RNASET2: variants seen among roughly 807,000 people sequenced by gnomAD.
The protein encoded by RNASET2 is ribonuclease 6.
A neutral mutation model predicts 33.9 loss-of-function variants in RNASET2; 28 were observed. The observed-to-expected ratio is 0.83, with a 90% CI of 0.61 to 1.13. The LOEUF (loss-of-function observed/expected upper bound fraction) is 1.13. Among genes scored for constraint, RNASET2 ranks in the 50% most tolerant of loss-of-function variants. The probability of loss-of-function intolerance (pLI) is 0.00; values close to 1 mark genes in which losing one functional copy is unlikely to be tolerated. For synonymous variants in RNASET2, 123 were observed against 121.0 expected (o/e 1.02, Z -0.11); for missense variants, 330 against 319.9 (o/e 1.03, Z -0.24).
In RNASET2 at chr6:166,929,446, A is replaced by G; in HGVS notation, c.*142T>C. ...CGTGTACGCCACATGCACTCACTCT[A>G]CAGGGACCACAACATCCAATTCACA... On this transcript the variant is annotated 3_prime_UTR_variant, in exon 9 of 9. Transcript: ENST00000508775. 2.3e-6 allele frequency: 2 copies of G among 888,366 alleles called. No homozygotes were observed. The highest frequency in any genetic ancestry group is 3.7e-6 in the Non-Finnish European group (2 of 541,052). The allele number at this position is 888,366 out of a possible 1,614,324, so 55.0% of individuals were successfully genotyped here.
chr6:166,943,468 T>C, intron 4 of RNASET2: 1 of 331,928 alleles, frequency 3.0e-6, no homozygotes, highest in South Asian at 2.4e-5. Flanking sequence ...TACTGTATGA[T>C]TCCAACGACG....
At position 166,952,560 on chromosome 6, in the gene RNASET2, T is replaced by G. The variant is rs367610932; in HGVS notation, c.87-12A>C. The G allele has an allele frequency of 1.3e-4, 205 of 1,605,738 alleles. No homozygotes were observed. The highest frequency in any genetic ancestry group is 1.6e-4 in the Non-Finnish European group (190 of 1,172,412). On this transcript the variant is annotated splice_polypyrimidine_tract_variant and intron_variant, in intron 1 of 8. Coordinates refer to ENST00000508775, the MANE Select transcript of RNASET2 (RefSeq NM_003730.6). ...ACTCATGGTTGTCACTGTTAAAACA[T>G]AAGAAACTTATTTTTCAAGAACTTT...
chr6:166,943,025 C>T lies in RNASET2; in HGVS notation c.326G>A (p.Arg109His), dbSNP rs374162593. 3.8e-5 allele frequency: 61 copies of T among 1,613,264 alleles called. No homozygotes were observed. The highest frequency in any genetic ancestry group is 2.4e-4 in the African/African-American group (18 of 75,012). The stretch of plus-strand genomic sequence containing the variant: ...ATCAGAGGCTGGGACTTACCAGAAG[C>T]GGCTGCGATTGGGAAACGAGTGAAT... ...DVIHSFPNRS[R>H]FWKHEWEKHG... The change falls in exon 5 of 9, where the codon CGC (arginine) becomes CAC (histidine). Residue 109 changes from arginine (R) to histidine (H), a missense_variant. Arg to His is a conservative substitution (Grantham distance 29). Coordinates refer to ENST00000508775, the MANE Select transcript of RNASET2 (RefSeq NM_003730.6).
Position 166,956,115 on chromosome 6 carries a change from C to T in RNASET2, c.68G>A (p.Gly23Asp), listed in dbSNP as rs767378195. ...AACTCACCGCAGGCGCTTGTCCGCA[C>T]CGCCCAGGCAAAGCAACGCCAGGCA... ...CLCLALLCLG[G>D]ADKRLRDNHE... The change falls in exon 1 of 9, where the codon GGT (glycine) becomes GAT (aspartate). Residue 23 changes from glycine (G) to aspartate (D), a missense_variant. Transcript: ENST00000508775. 1.9e-6 allele frequency: 3 copies of T among 1,552,284 alleles called. No individual in the cohort carries two copies. Among genetic ancestry groups the T allele is most frequent in the East Asian group, 2.4e-5 (1 of 41,012 alleles).
intron 7 of RNASET2, 74 bp downstream of exon 7, chr6:166,934,017 C>A: frequency 1.9e-6 from 2 of 1,070,040 alleles, no homozygotes; most frequent in Non-Finnish European, 2.9e-6. Flanking sequence ...AGCCCATTGA[C>A]TCAGAGGCTG....
intron 3 of RNASET2, among the ~76,000 whole-genome samples, chr6:166,947,196 T>C (rs1035900655): frequency 3.3e-5 from 5 of 152,150 alleles, no homozygotes; most frequent in South Asian, 2.1e-4. Flanking sequence ...CTCCAGGAGA[T>C]GACAGATAAA....
chr6:166,955,536 G>T, intron 1 of RNASET2: 3 of 986,792 alleles, frequency 3.0e-6, no homozygotes, highest in Non-Finnish European at 3.6e-6. Context: ...TCCCCTCCAC[G>T]ACTTCTTCGA....
At chr6:166,930,864 G>GCACATGCACACACGCATGTACACACA (rs1778418350) in intron 8 of RNASET2, among the ~76,000 whole-genome samples, 180 bp downstream of exon 8, 1 of 148,152 alleles carries the variant, frequency 6.7e-6, no homozygotes, top group Admixed American at 6.7e-5. Context: ...TGCACACACA[G>GCACATGCACACACGCATGTACACACA]CACATGCACA....
At chr6:166,949,065 TTAGCTGGGCGTGG>T (rs911858113) in intron 2 of RNASET2, among the ~76,000 whole-genome samples, 1 of 151,236 alleles carries the variant, frequency 6.6e-6, no homozygotes, top group Non-Finnish European at 1.5e-5. Context: ...AAATACAAAA[TTAGCTGGGCGTGG>T]TGGCAGGCGC....
intron 1 of RNASET2, chr6:166,955,766 C>T: frequency 8.1e-7 from 1 of 1,241,074 alleles, no homozygotes; most frequent in Non-Finnish European, 1.0e-6. Flanking sequence ...CACCCCAGAG[C>T]GTGCCCAGGG....
chr6:166,930,399 T>C (rs62436417), intron 8 of RNASET2, among the ~76,000 whole-genome samples: 18,982 of 151,866 alleles, frequency 0.12, 1,411 homozygotes, highest in African/African-American at 0.21. Context: ...TACATGAACA[T>C]GTTCATATGC....
At chr6:166,948,347 GAAAAA>G in intron 3 of RNASET2, 1 of 504,848 alleles carries the variant, frequency 2.0e-6, no homozygotes, top group Non-Finnish European at 3.5e-6. Context: ...CTCTGTCTCA[GAAAAA>G]AAAAAAAAAA....
chr6:166,931,329 C>T, intron 7 of RNASET2: 2 of 594,446 alleles, frequency 3.4e-6, no homozygotes, highest in Non-Finnish European at 6.0e-6. Context: ...CCACAAGCCG[C>T]TCGCTGCGGC....
At chr6:166,955,144 CCTGTT>C (rs1191359296) in intron 1 of RNASET2, among the ~76,000 whole-genome samples, 1 of 151,892 alleles carries the variant, frequency 6.6e-6, no homozygotes, top group Non-Finnish European at 1.5e-5. Flanking sequence ...TGCAGCACCG[CCTGTT>C]TACCCCTAAT....
At chr6:166,945,983 A>AC (rs1275905856) in intron 4 of RNASET2, among the ~76,000 whole-genome samples, 1 of 151,382 alleles carries the variant, frequency 6.6e-6, no homozygotes, top group Non-Finnish European at 1.5e-5. Flanking sequence ...CTCAGTTACC[A>AC]CCCCCTCCCT....
intron 6 of RNASET2, among the ~76,000 whole-genome samples, chr6:166,935,351 T>C (rs1006296489): frequency 2.0e-5 from 3 of 152,238 alleles, no homozygotes; most frequent in African/African-American, 7.2e-5. Context: ...CTCCTTTTAA[T>C]GATGCTACTA....
Position 166,924,243 on chromosome 6 carries a change from G to A in RNASET2, c.*5345C>T, listed in dbSNP as rs1583208635. On this transcript the variant is annotated 3_prime_UTR_variant, in exon 9 of 9. Transcript: ENST00000508775. ...AGCCTCCCGAGTAGCTGGGACTACA[G>A]GTGCCCGCCACCATGCCCGGCCAAT... 6.6e-6 allele frequency among the ~76,000 whole-genome samples: 1 copy of A among 152,166 alleles called. No homozygotes were observed. The highest frequency in any genetic ancestry group is 1.5e-5 in the Non-Finnish European group (1 of 68,024).
rs1290898870 is a variant in RNASET2 at position 166,933,993 on chromosome 6, C to G, written c.492+98G>C. 9 of 856,612 alleles carry G rather than the reference C, an allele frequency of 1.1e-5. No individual in the cohort carries two copies. Among genetic ancestry groups the G allele is most frequent in the African/African-American group, 3.3e-5 (2 of 60,462 alleles). 53.1% of individuals were successfully genotyped at this position (856,612 alleles called of 1,614,324 possible). ...CATTTAAGTAGGAAGGGGGTTTGCA[C>G]TGGGGCAATTTACAGCCCATTGACT... On this transcript the variant is annotated intron_variant, in intron 7 of 8. Coordinates refer to ENST00000508775, the MANE Select transcript of RNASET2 (RefSeq NM_003730.6). The surrounding 1 kb of genome is among the most constrained non-coding windows in gnomAD (Gnocchi z 4.1).
chr6:166,929,907 A>G, intron 8 of RNASET2, 116 bp from the exon 9 acceptor site: 1 of 987,180 alleles, frequency 1.0e-6, no homozygotes. Flanking sequence ...GCTCCACACC[A>G]CAGGTTCTAG....
Sources: allele counts gnomAD v4.1 joint callset (sites outside exome capture counted in the v4.1 genomes callset), GRCh38; gene constraint gnomAD v4.1.1; non-coding constraint Gnocchi (gnomAD v3.1); transcripts MANE v1.5; gene names NCBI Gene and HGNC (gene_info 2026-07-23, HGNC 2026-07-21).